The following TBX10 variants were observed in gnomAD, a reference collection of about 807,000 sequenced individuals.
TBX10 encodes the protein T-box transcription factor TBX10.
Under a neutral mutation model 32.4 loss-of-function variants are expected in TBX10, and 26 were observed. The ratio of observed to expected loss-of-function variants is 0.80; its 90% confidence interval spans 0.59 to 1.11. TBX10 has a LOEUF of 1.11. Ranked by LOEUF, TBX10 falls within the 50% of genes most tolerant of loss-of-function variation. The pLI is 0.00. For synonymous variants in TBX10, 195 were observed against 203.1 expected, an observed-to-expected ratio of 0.96 and a Z score of 0.34; for missense variants, 490 against 494.5, an observed-to-expected ratio of 0.99 and a Z score of 0.09.
chr11:67,640,367 G>C (rs1287437075), upstream of TBX10, among the ~76,000 whole-genome samples: 1 of 152,202 alleles, frequency 6.6e-6, no homozygotes, highest in Admixed American at 6.5e-5. Context: ...AGCCTGGAGA[G>C]CGGTAAGCCC....
Position 67,631,524 on chromosome 11 carries a change from T to C in TBX10, c.*81A>G. The C allele has an allele frequency of 6.6e-7, 1 of 1,509,296 alleles. No individual in the cohort carries two copies. The highest frequency in any genetic ancestry group is 8.9e-7 in the Non-Finnish European group (1 of 1,122,958). 93.5% of individuals were successfully genotyped at this position (1,509,296 alleles called of 1,614,324 possible). A position where few individuals can be genotyped will look rare whatever the true frequency, so the allele number is the denominator to read the frequency against. On this transcript the variant is annotated 3_prime_UTR_variant, in exon 8 of 8. Coordinates refer to ENST00000335385, the MANE Select transcript of TBX10 (RefSeq NM_005995.5). The stretch of plus-strand genomic sequence containing the variant: ...GCTCTCCTTGAGACAGAGATGGGGC[T>C]GGAGGGGGCGGGGCAGAGGCTGATT...
At position 67,639,660 on chromosome 11, in the gene TBX10, A is replaced by G. The variant is rs1177717455; in HGVS notation, c.-188T>C. 1 of 754,368 alleles carries G rather than the reference A, an allele frequency of 1.3e-6. No homozygotes were observed. The highest frequency in any genetic ancestry group is 2.2e-6 in the Non-Finnish European group (1 of 444,760). The allele number at this position is 754,368 out of a possible 1,614,324, so 46.7% of individuals were successfully genotyped here. On this transcript the variant is annotated 5_prime_UTR_variant, in exon 1 of 8. Transcript: ENST00000335385. ...TCGATCGCCCTTCGTCCACGTCCTG[A>G]GGTCGTGGTCTTCCTACTCGAGCTG...
At chr11:67,632,918 C>T (rs751137306) in intron 5 of TBX10, 30 bp downstream of exon 5, 3 of 1,614,034 alleles carry the variant, frequency 1.9e-6, no homozygotes, top group Non-Finnish European at 2.5e-6. Context: ...AATGGGCCTG[C>T]AGCGGGTGCT....
At chr11:67,634,048 T>C (rs1855281828) in intron 4 of TBX10, 141 bp downstream of exon 4, 3 of 1,005,108 alleles carry the variant, frequency 3.0e-6, no homozygotes, top group African/African-American at 3.4e-5. Flanking sequence ...CCCAGCCAGG[T>C]GAGCTCGCCA....
At position 67,639,225 on chromosome 11, in the gene TBX10, C is replaced by T. The variant is rs148972490; in HGVS notation, c.7+241G>A. 1.2e-3 allele frequency among the ~76,000 whole-genome samples: 182 copies of T among 152,320 alleles called. 2 individuals are homozygous for T. Among genetic ancestry groups the T allele is most frequent in the African/African-American group, 4.2e-3 (175 of 41,564 alleles). On this transcript the variant is annotated intron_variant, in intron 1 of 7. Coordinates refer to ENST00000335385, the MANE Select transcript of TBX10 (RefSeq NM_005995.5). ...GCTCAGGGAGAGGCCCGAGGTCACA[C>T]GTGCCCAGTGAGGCGCTCATCTCCC... is the stretch of plus-strand genomic sequence containing the variant.
Position 67,631,531 on chromosome 11 carries a change from G to A in TBX10, c.*74C>T. 2.6e-6 allele frequency: 4 copies of A among 1,520,472 alleles called. No individual in the cohort carries two copies. Among genetic ancestry groups the A allele is most frequent in the Non-Finnish European group, 3.5e-6 (4 of 1,132,108 alleles). The allele number at this position is 1,520,472 out of a possible 1,614,324, so 94.2% of individuals were successfully genotyped here. A position where few individuals can be genotyped will look rare whatever the true frequency, so the allele number is the denominator to read the frequency against. Reference sequence around the variant, plus strand: ...TTGAGACAGAGATGGGGCTGGAGGGGGCGGGGCAGAGGCTGATTCCCACAC... The same window carrying A: ...TTGAGACAGAGATGGGGCTGGAGGGAGCGGGGCAGAGGCTGATTCCCACAC... On this transcript the variant is annotated 3_prime_UTR_variant, in exon 8 of 8. Coordinates refer to ENST00000335385, the MANE Select transcript of TBX10 (RefSeq NM_005995.5).
rs557693035 is a variant in TBX10 at position 67,639,679 on chromosome 11, C to A, written c.-207G>T. 3 of 660,982 alleles carry A rather than the reference C, an allele frequency of 4.5e-6. No individual in the cohort carries two copies. The highest frequency in any genetic ancestry group is 3.5e-5 in the South Asian group (2 of 57,596). The allele number at this position is 660,982 out of a possible 1,614,324, so 40.9% of individuals were successfully genotyped here. ...GTCCTGAGGTCGTGGTCTTCCTACTCGAGCTGGACCCCTGGTCTCCGAAGG... is the reference window on the plus strand; with the variant it reads ...GTCCTGAGGTCGTGGTCTTCCTACTAGAGCTGGACCCCTGGTCTCCGAAGG... On this transcript the variant is annotated 5_prime_UTR_variant, in exon 1 of 8. Coordinates refer to ENST00000335385, the MANE Select transcript of TBX10 (RefSeq NM_005995.5).
chr11:67,632,264 T>C (rs2514021), intron 7 of TBX10, 54 bp downstream of exon 7: 1,599,450 of 1,604,188 alleles, frequency 1, 797,477 homozygotes, highest in East Asian at 1. Flanking sequence ...CCCTTTGCCT[T>C]CCGCCCACTG....
rs763930638 is a variant in TBX10 at position 67,631,797 on chromosome 11, G to C, written c.966C>G (p.Tyr322Ter). 1 of 1,594,642 alleles carries C rather than the reference G, an allele frequency of 6.3e-7. No homozygotes were observed. Among genetic ancestry groups the C allele is most frequent in the African/African-American group, 1.3e-5 (1 of 74,790 alleles). The change falls in exon 8 of 8, where the codon TAC becomes TAG. Residue 322 changes from tyrosine (Y) to a stop codon, truncating the protein, a stop_gained. Coordinates refer to ENST00000335385, the MANE Select transcript of TBX10 (RefSeq NM_005995.5). LOFTEE classifies it low-confidence loss of function (END_TRUNC). ...PPEVLLAPAT[Y>*]RPVTYQSLYS... Reference sequence around the variant, plus strand: ...ACAGGCTCTGATACGTGACAGGCCTGTAGGTGGCCGGGGCCAGCAGGACCT... The same window carrying C: ...ACAGGCTCTGATACGTGACAGGCCTCTAGGTGGCCGGGGCCAGCAGGACCT...
Position 67,639,502 on chromosome 11 carries a change from G to A in TBX10, c.-30C>T, listed in dbSNP as rs1312600478. Reference sequence around the variant, plus strand: ...ACAGAGAGGCTGTCCGGCTCCTGGAGAAACACTGCTTGGCTGGGGCTGGGA... The same window carrying A: ...ACAGAGAGGCTGTCCGGCTCCTGGAAAAACACTGCTTGGCTGGGGCTGGGA... On this transcript the variant is annotated 5_prime_UTR_variant, in exon 1 of 8. Transcript: ENST00000335385. 6.2e-7 allele frequency: 1 copy of A among 1,612,978 alleles called. No individual in the cohort carries two copies.
intron 6 of TBX10, 42 bp downstream of exon 6, chr11:67,632,561 C>T (rs1357091804): frequency 5.6e-6 from 9 of 1,608,604 alleles, no homozygotes; most frequent in Non-Finnish European, 6.8e-6. Context: ...TAGGATATGC[C>T]TGGGGTGGGG....
intron 1 of TBX10, among the ~76,000 whole-genome samples, chr11:67,635,957 TA>T (rs1165249723): frequency 1.3e-5 from 2 of 151,038 alleles, no homozygotes; most frequent in Non-Finnish European, 1.5e-5. Context: ...CCCCTCCAAT[TA>T]AAAAAAATCT....
chr11:67,637,661 G>A (rs769767281), intron 1 of TBX10, among the ~76,000 whole-genome samples: 12 of 152,198 alleles, frequency 7.9e-5, no homozygotes, highest in Non-Finnish European at 1.5e-4. Context: ...ATGTTTGCTT[G>A]GACCAATATA....
At chr11:67,635,329 C>T in intron 1 of TBX10, 66 bp from the exon 2 acceptor site, 3 of 1,604,452 alleles carry the variant, frequency 1.9e-6, no homozygotes, top group Non-Finnish European at 8.5e-7. Flanking sequence ...CTTCAGGCTG[C>T]ACCTATATGC....
In TBX10 at chr11:67,634,245, T is replaced by C. The variant is rs1279487198; in HGVS notation, c.493A>G (p.Ile165Val). The stretch of plus-strand genomic sequence containing the variant: ...AGCTTGAGCTTGTCAAAGGACACAA[T>C]CTGGCGCATCCACTGGGCACCCTTG... ...PAKGAQWMRQ[I>V]VSFDKLKLTN... Residue 165 changes from isoleucine (I) to valine (V), a missense_variant, in exon 4 of 8, where the codon ATT (isoleucine) becomes GTT (valine). By Grantham distance (29) the Ile-to-Val change is conservative. Coordinates refer to ENST00000335385, the MANE Select transcript of TBX10 (RefSeq NM_005995.5). The C allele has an allele frequency of 6.2e-7, 1 of 1,613,120 alleles. No homozygotes were observed. The highest frequency in any genetic ancestry group is 2.2e-5 in the East Asian group (1 of 44,890).
rs1326866112 is a variant in TBX10 at position 67,631,696 on chromosome 11, T to C, written c.1067A>G (p.Asp356Gly). ...GAGAGGCAGGCCTCCTTGATCCCTA[T>C]CAGCCCGGATGTTGGGGAGGGGGTA... Reference protein sequence around the residue: ...APYPLPNIRADRDQGGLPLPA... With the variant: ...APYPLPNIRAGRDQGGLPLPA... Residue 356 changes from aspartate (D) to glycine (G), a missense_variant, in exon 8 of 8, where the codon GAT (aspartate) becomes GGT (glycine). Asp to Gly is a moderately conservative substitution (Grantham distance 94). Around this residue, in one of 3 missense-constraint regions of TBX10, gnomAD observed 177 missense variants for 176.6 expected, o/e 1.00. Coordinates refer to ENST00000335385, the MANE Select transcript of TBX10 (RefSeq NM_005995.5). 4 of 1,609,002 alleles carry C rather than the reference T, an allele frequency of 2.5e-6. No individual in the cohort carries two copies. In the Admixed American group the frequency reaches 6.7e-5, roughly 27 times the overall value.
chr11:67,633,033 C>T lies in TBX10; in HGVS notation c.620G>A (p.Ser207Asn), dbSNP rs1216261036. 6.2e-7 allele frequency: 1 copy of T among 1,614,078 alleles called. No homozygotes were observed. The highest frequency in any genetic ancestry group is 1.3e-5 in the African/African-American group (1 of 74,954). ...GAAGTTCTCCTGGGCATAGCGCTCA[C>T]TGTCCTTGCGTGGGTCCACGAAGAC... is the stretch of plus-strand genomic sequence containing the variant. ...HVVFVDPRKDSERYAQENFKS... is the reference protein window; with the variant it reads ...HVVFVDPRKDNERYAQENFKS... The change falls in exon 5 of 8, where the codon AGT becomes AAT. Residue 207 changes from serine (S) to asparagine (N), a missense_variant. Physicochemically the swap from Ser to Asn is conservative, Grantham distance 46. Around this residue, in one of 3 missense-constraint regions of TBX10, gnomAD observed 307 missense variants for 294.9 expected, o/e 1.04. Transcript: ENST00000335385.
upstream of TBX10, among the ~76,000 whole-genome samples, chr11:67,640,101 C>CA (rs574718556): frequency 1.7e-4 from 26 of 152,058 alleles, 1 homozygote; most frequent in South Asian, 5.4e-3. Context: ...CTGGCCCCAG[C>CA]CGGCCGGCAG....
rs1372667825 is a variant in TBX10 at position 67,635,151 on chromosome 11, G to C, written c.120C>G (p.Cys40Trp). 6.2e-7 allele frequency: 1 copy of C among 1,613,820 alleles called. No individual in the cohort carries two copies. The highest frequency in any genetic ancestry group is 1.7e-5 in the Admixed American group (1 of 60,036). Residue 40 changes from cysteine to tryptophan, a missense_variant, in exon 2 of 8, where the codon TGC (cysteine) becomes TGG (tryptophan). Physicochemically the swap from Cys to Trp is radical, Grantham distance 215. Around this residue, in one of 3 missense-constraint regions of TBX10, gnomAD observed 307 missense variants for 294.9 expected, o/e 1.04. Transcript: ENST00000335385. ...RLGSPFPSGP[C>W]TSSTGAQAVA... The stretch of plus-strand genomic sequence containing the variant: ...CAGCTTGGGCCCCAGTAGAGCTGGT[G>C]CAAGGGCCTGATGGGAATGGTGACC...
Sources: allele counts gnomAD v4.1 joint callset (sites outside exome capture counted in the v4.1 genomes callset), GRCh38; gene constraint gnomAD v4.1.1; regional missense constraint gnomAD v4.1.1; transcripts MANE v1.5; gene names NCBI Gene and HGNC (gene_info 2026-07-23, HGNC 2026-07-21).